RIOK3: variants seen among roughly 807,000 people sequenced by gnomAD.
RIOK3 encodes the protein RIO kinase 3, also known as serine/threonine-protein kinase RIO3.
In RIOK3, 40 loss-of-function variants were observed where a neutral mutation model predicts 63.5. That is an observed-to-expected ratio of 0.63 (90% CI 0.49 to 0.82). RIOK3 has a LOEUF of 0.82. Among genes scored for constraint, RIOK3 ranks in the 40% least tolerant of loss-of-function variants. The pLI is 0.00. For missense variants in RIOK3, 557 were observed against 637.0 expected (o/e 0.87, Z 1.35); for synonymous variants, 193 against 205.0 (o/e 0.94, Z 0.50).
At chr18:23,464,153 A>T (rs931082620) in intron 3 of RIOK3, 41 bp downstream of exon 3, 33 of 1,603,032 alleles carry the variant, frequency 2.1e-5, no homozygotes, top group Non-Finnish European at 2.8e-5. Context: ...GAGTGGTAGA[A>T]AACACTCATA....
rs1013187504 is a variant in RIOK3 at position 23,481,454 on chromosome 18, G to C, written c.*175G>C. 9.6e-5 allele frequency: 48 copies of C among 499,818 alleles called. No individual in the cohort carries two copies. The East Asian group carries it at 1.6e-3, about 16-fold the overall frequency. The allele number at this position is 499,818 out of a possible 1,614,324, so 31.0% of individuals were successfully genotyped here. The stretch of plus-strand genomic sequence containing the variant: ...TGTGGAATTTTTAGCTCAGCATTGA[G>C]AGAATAAAATGTCACTACCTCTCAT... On this transcript the variant is annotated 3_prime_UTR_variant, in exon 13 of 13. Coordinates refer to ENST00000339486, the MANE Select transcript of RIOK3 (RefSeq NM_003831.5).
intron 6 of RIOK3, 89 bp from the exon 7 acceptor site, chr18:23,467,310 G>A (rs551038017): frequency 5.3e-5 from 66 of 1,243,330 alleles, no homozygotes; most frequent in Admixed American, 3.1e-4. Context: ...GCAAGACTCC[G>A]TCTCAAAAAA....
rs902375595 is a variant in RIOK3, at chr18:23,475,070, G to A, written c.1136G>A (p.Ser379Asn). 1 of 1,613,232 alleles carries A rather than the reference G, an allele frequency of 6.2e-7. No individual in the cohort carries two copies. Among genetic ancestry groups the A allele is most frequent in the African/African-American group, 1.3e-5 (1 of 74,962 alleles). Residue 379 changes from serine to asparagine, a missense_variant, in exon 9 of 13, where the codon AGT becomes AAT. Around this residue, in one of 3 missense-constraint regions of RIOK3, gnomAD observed 309 missense variants for 338.7 expected, o/e 0.91. Coordinates refer to ENST00000339486, the MANE Select transcript of RIOK3 (RefSeq NM_003831.5). ...AAATTAAAAGAAGTAAAGCTCAATA[G>A]TGAAGAAATGAAAGAAGCCTACTAT... ...APKLKEVKLN[S>N]EEMKEAYYQT...
At chr18:23,460,212 T>A (rs961280567) in intron 1 of RIOK3, among the ~76,000 whole-genome samples, 5 of 152,238 alleles carry the variant, frequency 3.3e-5, no homozygotes, top group Non-Finnish European at 7.3e-5. Context: ...TTCAGCCTCC[T>A]GAGTAGCTGG....
rs2145678247 is a variant in RIOK3 at position 23,464,210 on chromosome 18, C to T, written c.330C>T (p.Ser110=). The T allele has an allele frequency of 1.9e-6, 3 of 1,612,908 alleles. No homozygotes were observed. The East Asian group carries it at 6.7e-5, about 36-fold the overall frequency. The change falls in exon 4 of 13, where the codon TCC becomes TCT. Residue 110 remains serine, a synonymous_variant. Coordinates refer to ENST00000339486, the MANE Select transcript of RIOK3 (RefSeq NM_003831.5). ...EKKFNGDSKV[S]ISFENYRKVH... ...CAACTATTTTTGCTTCTTAAGTTTCCATTTCCTTTGAAAATTATCGAAAAG... is the reference window on the plus strand; with the variant it reads ...CAACTATTTTTGCTTCTTAAGTTTCTATTTCCTTTGAAAATTATCGAAAAG...
chr18:23,465,553 G>T (rs1376986216), intron 5 of RIOK3, among the ~76,000 whole-genome samples: 3 of 152,160 alleles, frequency 2.0e-5, no homozygotes, highest in Non-Finnish European at 4.4e-5. Flanking sequence ...ACTTTCTGTG[G>T]TAATGGAAAT....
chr18:23,469,572 C>T (rs1046124126), intron 7 of RIOK3, among the ~76,000 whole-genome samples: 1 of 150,754 alleles, frequency 6.6e-6, no homozygotes, highest in Non-Finnish European at 1.5e-5. Context: ...ACTGCATCCT[C>T]TACCTCCCAA....
intron 12 of RIOK3, among the ~76,000 whole-genome samples, chr18:23,480,590 C>CACACACACACACACAT (rs66644690): frequency 1.3e-5 from 2 of 148,296 alleles, no homozygotes; most frequent in South Asian, 4.3e-4. Context: ...CACACACACA[C>CACACACACACACACAT]ATAGTAATTT....
At position 23,464,292 on chromosome 18, in the gene RIOK3, C is replaced by G. The variant is rs200463683; in HGVS notation, c.412C>G (p.Arg138Gly). Residue 138 changes from arginine to glycine, a missense_variant, in exon 4 of 13, where the codon CGT (arginine) becomes GGT (glycine). Transcript: ENST00000339486. ...AGATGAGGTTGACTGGCAGGATACT[C>G]GTGATGATCCCTACAGACCAGGTAC... ...SEDEVDWQDT[R>G]DDPYRPAKPV... 180 of 1,613,530 alleles carry G rather than the reference C, an allele frequency of 1.1e-4. No individual in the cohort carries two copies. Among genetic ancestry groups the G allele is most frequent in the Non-Finnish European group, 1.3e-4 (150 of 1,179,566 alleles).
chr18:23,467,183 G>A (rs943041805), intron 6 of RIOK3, among the ~76,000 whole-genome samples: 11 of 151,868 alleles, frequency 7.2e-5, no homozygotes, highest in South Asian at 4.1e-4. Context: ...GTGTGGTGGC[G>A]GGCGCCTGTA....
At chr18:23,455,593 G>C (rs530330189) in intron 1 of RIOK3, among the ~76,000 whole-genome samples, 1 of 151,492 alleles carries the variant, frequency 6.6e-6, no homozygotes, top group South Asian at 2.1e-4. Flanking sequence ...GGGTTTCACC[G>C]TGTTAGCCAA....
chr18:23,455,627 G>C (rs1036915962), intron 1 of RIOK3, among the ~76,000 whole-genome samples: 1 of 151,676 alleles, frequency 6.6e-6, no homozygotes, highest in South Asian at 2.1e-4. Context: ...TCCTGACCTC[G>C]TGATCCGCCC....
intron 2 of RIOK3, chr18:23,463,464 C>T: frequency 6.5e-6 from 1 of 153,644 alleles, no homozygotes; most frequent in Non-Finnish European, 1.4e-5. Context: ...GGCTAGAGTG[C>T]AATGGCACAA....
chr18:23,467,256 G>C (rs2057415572), intron 6 of RIOK3, 143 bp from the exon 7 acceptor site: 1 of 533,754 alleles, frequency 1.9e-6, no homozygotes, highest in Non-Finnish European at 3.1e-6. Context: ...GGAGGTTGCA[G>C]TGATCAGAGA....
At position 23,481,307 on chromosome 18, in the gene RIOK3, C is replaced by T. The variant is rs764338187; in HGVS notation, c.*28C>T. 2 of 1,360,694 alleles carry T rather than the reference C, an allele frequency of 1.5e-6. No individual in the cohort carries two copies. The highest frequency in any genetic ancestry group is 2.0e-6 in the Non-Finnish European group (2 of 982,568). The allele number at this position is 1,360,694 out of a possible 1,614,324, so 84.3% of individuals were successfully genotyped here. A position where few individuals can be genotyped will look rare whatever the true frequency, so the allele number is the denominator to read the frequency against. Reference sequence around the variant, plus strand: ...CTAATACCCACTGCTTCAGTGTTAACACAGCAGTGATTGTCAGCTGCCAAT... The same window carrying T: ...CTAATACCCACTGCTTCAGTGTTAATACAGCAGTGATTGTCAGCTGCCAAT... On this transcript the variant is annotated 3_prime_UTR_variant, in exon 13 of 13. Coordinates refer to ENST00000339486, the MANE Select transcript of RIOK3 (RefSeq NM_003831.5).
chr18:23,464,608 A>T lies in RIOK3; in HGVS notation c.523A>T (p.Asn175Tyr), dbSNP rs972609795. The change falls in exon 5 of 13, where the codon AAC (asparagine) becomes TAC (tyrosine). Residue 175 changes from asparagine to tyrosine, a missense_variant. Physicochemically the swap from Asn to Tyr is moderately radical, Grantham distance 143. Coordinates refer to ENST00000339486, the MANE Select transcript of RIOK3 (RefSeq NM_003831.5). ...TGATGAAGTAGTATGTGGGAGAAAGAACACAGCAAGAATGGAAAATGTAAG... is the reference window on the plus strand; with the variant it reads ...TGATGAAGTAGTATGTGGGAGAAAGTACACAGCAAGAATGGAAAATGTAAG... The part of the protein sequence containing the change: ...KHDEVVCGRK[N>Y]TARMENFAPE... The T allele has an allele frequency of 2.5e-6, 4 of 1,592,012 alleles. No homozygotes were observed. The highest frequency in any genetic ancestry group is 3.4e-6 in the Non-Finnish European group (4 of 1,170,436).
chr18:23,456,661 A>G (rs1488725287), intron 1 of RIOK3, among the ~76,000 whole-genome samples: 1 of 151,986 alleles, frequency 6.6e-6, no homozygotes, highest in Non-Finnish European at 1.5e-5. Context: ...CCAAAGTGCT[A>G]GAATTACAGG....
chr18:23,466,689 T>TAA lies in RIOK3; in HGVS notation c.687+435_687+436dup, dbSNP rs33997769. On this transcript the variant is annotated intron_variant, in intron 6 of 12. Coordinates refer to ENST00000339486, the MANE Select transcript of RIOK3 (RefSeq NM_003831.5). The stretch of plus-strand genomic sequence containing the variant: ...TGGGTGACAGATTGAGACCCTGCCT[T>TAA]AAAAAAAAAAAAAAAAAAAAAAATG... Among the ~76,000 whole-genome samples the TAA allele has an allele frequency of 5.2e-3, 533 of 102,858 alleles. 2 individuals carry two copies. The highest frequency in any genetic ancestry group is 6.5e-3 in the South Asian group (19 of 2,934). The allele number at this position is 102,858 out of a possible 152,430, so 67.5% of individuals were successfully genotyped here.
At chr18:23,471,734 G>A (rs997791052) in intron 7 of RIOK3, among the ~76,000 whole-genome samples, 5 of 152,142 alleles carry the variant, frequency 3.3e-5, no homozygotes, top group African/African-American at 1.2e-4. Context: ...AGTGGGTGTA[G>A]GAGGATAGAT....
Sources: gnomAD v4.1 joint callset for allele counts (sites outside exome capture counted in the v4.1 genomes callset) on GRCh38, gnomAD v4.1.1 for gene constraint, gnomAD v4.1.1 regional missense constraint, MANE v1.5 for transcripts, NCBI Gene and HGNC (gene_info 2026-07-23, HGNC 2026-07-21) for gene names.